NEBL: variants seen among roughly 807,000 people sequenced by gnomAD.
NEBL encodes the protein nebulette.
NEBL carries 122 observed loss-of-function variants against 140.2 expected under a neutral mutation model. The ratio of observed to expected loss-of-function variants is 0.87; its 90% confidence interval spans 0.75 to 1.01. The LOEUF (loss-of-function observed/expected upper bound fraction) is 1.01, where lower values mean the gene tolerates loss of function less well. Among genes scored for constraint, NEBL ranks in the 50% least tolerant of loss-of-function variants. NEBL has a pLI of 0.00. For synonymous variants in NEBL, 436 were observed against 398.9 expected (o/e 1.09, Z -1.11); for missense variants, 1,365 against 1,231.3 (o/e 1.11, Z -1.62).
At chr10:20,897,729 A>C (rs1262632377), upstream of NEBL, 1 of 189,510 alleles carries the variant, frequency 5.3e-6, no homozygotes, top group Non-Finnish European at 9.8e-6. Flanking sequence ...TCATTTTGTC[A>C]ACCTAAATTA....
rs142680356 is a variant in NEBL, at chr10:20,789,448, T to C, written c.2762-2140A>G. Among the ~76,000 whole-genome samples the C allele has an allele frequency of 2.4e-4, 36 of 152,332 alleles. No homozygotes were observed. The East Asian group carries it at 6.2e-3, about 26-fold the overall frequency. ...AAATAGGCTATCTCACACTCTGTAA[T>C]ACATTTAGGTTCACCTAGTTTATAC... On this transcript the variant is annotated intron_variant, in intron 26 of 27. Transcript: ENST00000377122.
chr10:20,923,433 C>A (rs776099697), intron 4 of NEBL, among the ~76,000 whole-genome samples: 1 of 151,786 alleles, frequency 6.6e-6, no homozygotes, highest in East Asian at 1.9e-4. Flanking sequence ...AATCCCAGCA[C>A]TTTGGGAGGC....
chr10:20,835,041 C>A (rs926890787), intron 14 of NEBL, among the ~76,000 whole-genome samples: 3 of 152,144 alleles, frequency 2.0e-5, no homozygotes, highest in African/African-American at 2.4e-5. Context: ...AAATTTCATG[C>A]GTGCTGATCA....
chr10:21,000,807 C>G (rs142345751), intron 3 of NEBL, among the ~76,000 whole-genome samples: 1 of 151,984 alleles, frequency 6.6e-6, no homozygotes, highest in African/African-American at 2.4e-5. Context: ...TTTTTGCAGT[C>G]TAAGATATGG....
intron 3 of NEBL, among the ~76,000 whole-genome samples, chr10:21,240,693 G>A (rs1227566576): frequency 1.3e-5 from 2 of 152,062 alleles, no homozygotes; most frequent in South Asian, 4.1e-4. Context: ...GTTATTCTGG[G>A]ATTTGGTTTT....
At chr10:20,986,062 A>G (rs1250990310) in intron 3 of NEBL, among the ~76,000 whole-genome samples, 2 of 152,358 alleles carry the variant, frequency 1.3e-5, no homozygotes, top group Non-Finnish European at 1.5e-5. Flanking sequence ...ATGAACTGCA[A>G]CTACATAAAA....
chr10:21,147,394 C>CA (rs1478230880), intron 2 of NEBL, among the ~76,000 whole-genome samples: 1 of 146,798 alleles, frequency 6.8e-6, no homozygotes. Flanking sequence ...GTTTCTCCTC[C>CA]GGTTTTTTTT....
intron 26 of NEBL, among the ~76,000 whole-genome samples, chr10:20,806,393 A>G (rs757917788): frequency 6.6e-6 from 1 of 152,150 alleles, no homozygotes; most frequent in Non-Finnish European, 1.5e-5. Context: ...CTTCCATTTG[A>G]ACATCTCAAT....
At chr10:21,115,978 C>T (rs1838267113) in intron 2 of NEBL, among the ~76,000 whole-genome samples, 1 of 151,910 alleles carries the variant, frequency 6.6e-6, no homozygotes, top group South Asian at 2.1e-4. Context: ...TAGATAATTG[C>T]TATATCTTCA....
At position 20,880,802 on chromosome 10, in the gene NEBL, G is replaced by A. The variant is rs1311832314; in HGVS notation, c.472C>T (p.Gln158Ter). 2 of 1,607,882 alleles carry A rather than the reference G, an allele frequency of 1.2e-6. No individual in the cohort carries two copies. Among genetic ancestry groups the A allele is most frequent in the Non-Finnish European group, 1.7e-6 (2 of 1,174,390 alleles). The change falls in exon 5 of 28, where the codon CAG becomes TAG. Residue 158 changes from glutamine to a stop codon, truncating the protein, a stop_gained. Coordinates refer to ENST00000377122, the MANE Select transcript of NEBL (RefSeq NM_006393.3). LOFTEE classifies it high-confidence loss of function. Reference sequence around the variant, plus strand: ...GAAATGCGCTTCCTTACATTACTCTGGTGTTTATTGACCTCCATGGCATGT... The same window carrying A: ...GAAATGCGCTTCCTTACATTACTCTAGTGTTTATTGACCTCCATGGCATGT... ...VKHAMEVNKH[Q>*]SNISYRKDVQ...
chr10:21,109,028 A>G (rs1047970374), intron 2 of NEBL, among the ~76,000 whole-genome samples: 3 of 152,082 alleles, frequency 2.0e-5, no homozygotes, highest in Admixed American at 2.0e-4. Flanking sequence ...AGAACTTCCA[A>G]TGCTATGTTG....
chr10:21,096,682 T>C (rs1837202889), intron 2 of NEBL, among the ~76,000 whole-genome samples: 1 of 152,056 alleles, frequency 6.6e-6, no homozygotes, highest in African/African-American at 2.4e-5. Flanking sequence ...TCTGGCTAAT[T>C]TTTACAATTT....
chr10:20,948,619 C>A (rs1835292152), intron 4 of NEBL, among the ~76,000 whole-genome samples: 1 of 152,222 alleles, frequency 6.6e-6, no homozygotes, highest in African/African-American at 2.4e-5. Context: ...CCAACAGACA[C>A]ACACTCACGC....
chr10:20,805,767 C>G (rs990531279), intron 26 of NEBL, among the ~76,000 whole-genome samples: 1 of 151,844 alleles, frequency 6.6e-6, no homozygotes, highest in African/African-American at 2.4e-5. Context: ...GCAGGAGAAC[C>G]GTTTGAACCT....
chr10:21,108,680 G>A (rs575555709), intron 2 of NEBL, among the ~76,000 whole-genome samples: 108 of 152,252 alleles, frequency 7.1e-4, no homozygotes, highest in African/African-American at 1.2e-3. Context: ...TATTAGGTCC[G>A]CTTGGTCCAG....
intron 2 of NEBL, among the ~76,000 whole-genome samples, chr10:21,109,218 A>T (rs181402807): frequency 1.2e-3 from 186 of 152,278 alleles, no homozygotes; most frequent in South Asian, 3.1e-3. Flanking sequence ...AGGGCTGTTG[A>T]ATTTTATCAA....
intron 3 of NEBL, among the ~76,000 whole-genome samples, chr10:21,187,805 C>A (rs1277151604): frequency 6.6e-6 from 1 of 152,188 alleles, no homozygotes; most frequent in African/African-American, 2.4e-5. Flanking sequence ...TGAGCCACAG[C>A]ACCTGGCCAC....
intron 3 of NEBL, among the ~76,000 whole-genome samples, chr10:21,220,436 GAT>G (rs1303612249): frequency 6.6e-6 from 1 of 152,182 alleles, no homozygotes; most frequent in Non-Finnish European, 1.5e-5. Flanking sequence ...AAGGAAACTA[GAT>G]ATCCACATGC....
At chr10:20,914,179 A>G (rs1848440599) in intron 4 of NEBL, among the ~76,000 whole-genome samples, 1 of 152,196 alleles carries the variant, frequency 6.6e-6, no homozygotes, top group Non-Finnish European at 1.5e-5. Flanking sequence ...GTTTGAACTA[A>G]GAGACATTTA....
Sources: allele counts gnomAD v4.1 joint callset (sites outside exome capture counted in the v4.1 genomes callset), GRCh38; gene constraint gnomAD v4.1.1; transcripts MANE v1.5; gene names NCBI Gene and HGNC (gene_info 2026-07-23, HGNC 2026-07-21).